The following CBFA2T3 variants were observed in gnomAD, a reference collection of about 807,000 sequenced individuals.
CBFA2T3 encodes transcriptional corepressor CBFA2T3.
A neutral mutation model predicts 58.6 loss-of-function variants in CBFA2T3; 31 were observed. The observed-to-expected ratio is 0.53, with a 90% CI of 0.40 to 0.71. The LOEUF (loss-of-function observed/expected upper bound fraction) is 0.71. Among genes scored for constraint, CBFA2T3 ranks in the 30% least tolerant of loss-of-function variants. CBFA2T3 has a pLI of 0.00. For synonymous variants in CBFA2T3, 531 were observed against 421.9 expected, an observed-to-expected ratio of 1.26 and a Z score of -3.17; for missense variants, 1,076 against 963.1, an observed-to-expected ratio of 1.12 and a Z score of -1.55.
intron 1 of CBFA2T3, among the ~76,000 whole-genome samples, chr16:88,943,498 C>G (rs1163622420): frequency 1.3e-5 from 2 of 152,220 alleles, no homozygotes; most frequent in Non-Finnish European, 2.9e-5. Flanking sequence ...GCCCCTCCTC[C>G]CTACTCAGGA....
At chr16:88,886,262 G>A (rs79521030) in intron 5 of CBFA2T3, 120 bp from the exon 6 acceptor site, 10,840 of 651,326 alleles carry the variant, frequency 0.017, 129 homozygotes, top group East Asian at 0.023. Flanking sequence ...GGCCTCAAAG[G>A]TCAAGGTGCT....
chr16:88,909,708 C>A (rs1009330515), intron 1 of CBFA2T3, among the ~76,000 whole-genome samples: 1 of 152,208 alleles, frequency 6.6e-6, no homozygotes, highest in Non-Finnish European at 1.5e-5. Flanking sequence ...CATCCGTCCA[C>A]GGCCGCCCTC....
intron 1 of CBFA2T3, among the ~76,000 whole-genome samples, chr16:88,927,184 C>T (rs565049047): frequency 2.0e-5 from 3 of 152,350 alleles, no homozygotes; most frequent in South Asian, 4.1e-4. Flanking sequence ...AGGGAATGAA[C>T]GGGCACCGCC....
chr16:88,881,038 A>G (rs1379331774), intron 9 of CBFA2T3: 1 of 701,862 alleles, frequency 1.4e-6, no homozygotes, highest in African/African-American at 1.8e-5. Flanking sequence ...CTGTGTCAGC[A>G]TTCGTCGCTG....
At chr16:88,951,385 T>A (rs1417634642) in intron 1 of CBFA2T3, 1 of 453,968 alleles carries the variant, frequency 2.2e-6, no homozygotes, top group South Asian at 1.5e-5. Flanking sequence ...TTCCTTATCA[T>A]ACAATTCTTT....
At chr16:88,922,353 C>T (rs1970949020) in intron 1 of CBFA2T3, among the ~76,000 whole-genome samples, 1 of 152,360 alleles carries the variant, frequency 6.6e-6, no homozygotes, top group East Asian at 1.9e-4. Context: ...AGGATCCTCC[C>T]CGGGAAGACT....
At chr16:88,882,982 G>A (rs1969190089) in intron 7 of CBFA2T3, among the ~76,000 whole-genome samples, 1 of 152,258 alleles carries the variant, frequency 6.6e-6, no homozygotes, top group African/African-American at 2.4e-5. Context: ...CCTGCAACAC[G>A]GCACACGCCT....
chr16:88,951,489 T>A, intron 1 of CBFA2T3: 1 of 371,220 alleles, frequency 2.7e-6, no homozygotes, highest in Non-Finnish European at 5.2e-6. Flanking sequence ...TGTTTCATCT[T>A]TGCTTTTTTA....
At chr16:88,928,007 G>A (rs1242448272) in intron 1 of CBFA2T3, among the ~76,000 whole-genome samples, 3 of 152,168 alleles carry the variant, frequency 2.0e-5, no homozygotes, top group African/African-American at 4.8e-5. Context: ...CACAGGCAGC[G>A]GCTCCCGGCA....
chr16:88,881,362 G>A lies in CBFA2T3; in HGVS notation c.1331C>T (p.Thr444Ile). The A allele has an allele frequency of 6.3e-7, 1 of 1,586,116 alleles. No individual in the cohort carries two copies. The highest frequency in any genetic ancestry group is 8.6e-7 in the Non-Finnish European group (1 of 1,167,826). The change falls in exon 9 of 12, where the codon ACA (threonine) becomes ATA (isoleucine). Residue 444 changes from threonine (T) to isoleucine (I), a missense_variant. By Grantham distance (89) the Thr-to-Ile change is moderately conservative (BLOSUM62 -1). Coordinates refer to ENST00000268679, the MANE Select transcript of CBFA2T3 (RefSeq NM_005187.6). ...WARRYSDAEDTKKGPAPAAAR... is the reference protein window; with the variant it reads ...WARRYSDAEDIKKGPAPAAAR... The stretch of plus-strand genomic sequence containing the variant: ...CGCGGCGGGAGCGGGGCCCTTCTTT[G>A]TGTCCTCGGCGTCGCTGTAGCGCCG...
rs535221068 is a variant in CBFA2T3 at position 88,914,817 on chromosome 16, C to T, written c.152-13161G>A. Among the ~76,000 whole-genome samples the T allele has an allele frequency of 2.0e-3, 304 of 152,306 alleles. 1 individual carries two copies. Among genetic ancestry groups the T allele is most frequent in the African/African-American group, 6.8e-3 (284 of 41,570 alleles). On this transcript the variant is annotated intron_variant, in intron 1 of 11. Coordinates refer to ENST00000268679, the MANE Select transcript of CBFA2T3 (RefSeq NM_005187.6). ...AAATCTTCCCTGCTCCCCAAAGGGC[C>T]GCAAATGGGACCCAGATGTCTGGGG... is the stretch of plus-strand genomic sequence containing the variant.
At chr16:88,933,251 T>C (rs993484862) in intron 1 of CBFA2T3, among the ~76,000 whole-genome samples, 2 of 152,170 alleles carry the variant, frequency 1.3e-5, no homozygotes, top group Non-Finnish European at 2.9e-5. Flanking sequence ...GGTCCCAGAC[T>C]GCACGCCTCA....
At chr16:88,892,150 G>A (rs576645043) in intron 4 of CBFA2T3, 94 bp downstream of exon 4, 95 of 1,482,262 alleles carry the variant, frequency 6.4e-5, no homozygotes, top group Middle Eastern at 4.9e-4. Flanking sequence ...GGTTGTCAGC[G>A]TGGAGCCCAT....
rs1361001248 is a variant in CBFA2T3 at position 88,875,891 on chromosome 16, A to G, written c.*1085T>C. ...AGACGGCGTGTCCTTTCCTACACAT[A>G]TGGAGACGCAGGCCGGAGCAACGGC... On this transcript the variant is annotated 3_prime_UTR_variant, in exon 12 of 12. Coordinates refer to ENST00000268679, the MANE Select transcript of CBFA2T3 (RefSeq NM_005187.6). 1 of 233,008 alleles carries G rather than the reference A, an allele frequency of 4.3e-6. No homozygotes were observed. Among genetic ancestry groups the G allele is most frequent in the East Asian group, 6.0e-5 (1 of 16,548 alleles). The allele number at this position is 233,008 out of a possible 1,614,324, so 14.4% of individuals were successfully genotyped here.
intron 1 of CBFA2T3, chr16:88,940,883 G>C: frequency 3.7e-6 from 1 of 271,888 alleles, no homozygotes; most frequent in Non-Finnish European, 5.6e-6. Flanking sequence ...GGGCGGGTTG[G>C]CTCCACCCTG....
At chr16:88,890,641 C>T (rs374190108) in intron 5 of CBFA2T3, among the ~76,000 whole-genome samples, 25 of 152,372 alleles carry the variant, frequency 1.6e-4, no homozygotes, top group African/African-American at 6.0e-4. Context: ...GACTCCACGG[C>T]ACTCCCGTGC....
intron 1 of CBFA2T3, among the ~76,000 whole-genome samples, chr16:88,916,694 G>C (rs1970749115): frequency 6.6e-6 from 1 of 152,116 alleles, no homozygotes; most frequent in African/African-American, 2.4e-5. Context: ...TTCCCTCCTT[G>C]CCTCCCAGCC....
At chr16:88,936,696 A>T (rs906486848) in intron 1 of CBFA2T3, 1 of 152,312 alleles carries the variant, frequency 6.6e-6, no homozygotes, top group Non-Finnish European at 1.5e-5. Context: ...CATCTTCCTT[A>T]TTACGGCCAA....
chr16:88,886,250 C>T (rs2142557916), intron 5 of CBFA2T3, 108 bp from the exon 6 acceptor site: 1 of 740,720 alleles, frequency 1.4e-6, no homozygotes, highest in South Asian at 2.3e-5. Context: ...AACTTGACCT[C>T]GGGCCTCAAA....
Sources: allele counts gnomAD v4.1 joint callset (sites outside exome capture counted in the v4.1 genomes callset), GRCh38; gene constraint gnomAD v4.1.1; transcripts MANE v1.5; gene names NCBI Gene and HGNC (gene_info 2026-07-23, HGNC 2026-07-21).